The following TBC1D14 variants were observed in gnomAD, a reference collection of about 807,000 sequenced individuals.
TBC1D14 encodes TBC1 domain family member 14.
TBC1D14 carries 26 observed loss-of-function variants against 79.0 expected under a neutral mutation model. The ratio of observed to expected loss-of-function variants is 0.33; its 90% CI spans 0.24 to 0.46. The LOEUF is 0.46. Ranked by LOEUF, TBC1D14 falls within the 20% of genes least tolerant of loss-of-function variation. The pLI is 1.00. For synonymous variants in TBC1D14, 394 were observed against 349.9 expected, an observed-to-expected ratio of 1.13 and a Z score of -1.40; for missense variants, 769 against 887.6, an observed-to-expected ratio of 0.87 and a Z score of 1.70.
At chr4:7,014,341 CAGA>C in intron 11 of TBC1D14, 104 bp from the exon 12 acceptor site, 1 of 680,302 alleles carries the variant, frequency 1.5e-6, no homozygotes. Flanking sequence ...TTAGTAATTA[CAGA>C]AGAAGGTAAT....
At chr4:6,951,851 T>TTTGTTG (rs777350420) in intron 2 of TBC1D14, among the ~76,000 whole-genome samples, 1 of 152,050 alleles carries the variant, frequency 6.6e-6, no homozygotes, top group Non-Finnish European at 1.5e-5. Flanking sequence ...TTGACTTAAT[T>TTTGTTG]TTGTTGTTGT....
At chr4:7,030,242 GA>G in intron 13 of TBC1D14, 84 bp from the exon 14 acceptor site, 1 of 1,322,646 alleles carries the variant, frequency 7.6e-7, no homozygotes, top group Non-Finnish European at 1.1e-6. Context: ...ACCCTGTTAG[GA>G]GGCTACTGCT....
chr4:6,946,858 G>A (rs1407227230), intron 2 of TBC1D14, among the ~76,000 whole-genome samples: 1 of 152,172 alleles, frequency 6.6e-6, no homozygotes, highest in East Asian at 1.9e-4. Context: ...TTCTAATATG[G>A]AAGGAACATA....
intron 7 of TBC1D14, among the ~76,000 whole-genome samples, chr4:7,002,162 G>A (rs942043812): frequency 6.6e-6 from 1 of 152,228 alleles, no homozygotes; most frequent in Admixed American, 6.5e-5. Flanking sequence ...GCTGGCTGGT[G>A]ACTGGCTTCT....
chr4:7,007,577 G>T (rs1193871677), intron 9 of TBC1D14: 30 of 1,289,362 alleles, frequency 2.3e-5, no homozygotes, highest in Non-Finnish European at 2.9e-5. Context: ...TTCAGAAGAG[G>T]AAAGAGAGGG....
chr4:7,007,616 C>T, intron 9 of TBC1D14: 1 of 1,288,788 alleles, frequency 7.8e-7, no homozygotes, highest in Non-Finnish European at 1.0e-6. Context: ...AGCTTTGGTC[C>T]TGGTGTCTGG....
At chr4:6,967,663 A>G (rs1715821498) in intron 3 of TBC1D14, among the ~76,000 whole-genome samples, 1 of 152,256 alleles carries the variant, frequency 6.6e-6, no homozygotes, top group Non-Finnish European at 1.5e-5. Flanking sequence ...TTAGATGTTT[A>G]TAATGGTATT....
At chr4:6,962,801 G>A (rs1225665395) in intron 2 of TBC1D14, among the ~76,000 whole-genome samples, 4 of 152,068 alleles carry the variant, frequency 2.6e-5, no homozygotes, top group African/African-American at 9.7e-5. Flanking sequence ...TCTCAGTCTC[G>A]GGCCTTGATT....
intron 3 of TBC1D14, among the ~76,000 whole-genome samples, chr4:6,988,615 C>T (rs1718130263): frequency 6.6e-6 from 1 of 152,240 alleles, no homozygotes; most frequent in Non-Finnish European, 1.5e-5. Context: ...GCTCCCAAAT[C>T]CTCAGGTTAT....
intron 3 of TBC1D14, among the ~76,000 whole-genome samples, chr4:6,978,307 AGGT>A (rs936843481): frequency 6.6e-6 from 1 of 150,560 alleles, no homozygotes; most frequent in African/African-American, 2.5e-5. Context: ...AAGGGGGGAA[AGGT>A]GGGGAAAAGA....
At chr4:7,003,184 G>A (rs1474689998) in intron 7 of TBC1D14, among the ~76,000 whole-genome samples, 1 of 152,176 alleles carries the variant, frequency 6.6e-6, no homozygotes, top group Non-Finnish European at 1.5e-5. Context: ...AGCCTCCAGC[G>A]TTCCCCAGAT....
At chr4:7,011,083 AAC>A (rs1485015463) in intron 11 of TBC1D14, among the ~76,000 whole-genome samples, 3 of 152,198 alleles carry the variant, frequency 2.0e-5, no homozygotes, top group Non-Finnish European at 2.9e-5. Flanking sequence ...GCTTAAACTT[AAC>A]ACACACTTGG....
intron 7 of TBC1D14, 133 bp downstream of exon 7, chr4:7,001,384 C>A: frequency 1.3e-6 from 1 of 766,294 alleles, no homozygotes; most frequent in Non-Finnish European, 2.1e-6. Flanking sequence ...AGACTGTGTC[C>A]TTCAGGAGAG....
At chr4:7,004,817 ATACT>A (rs1720014016) in intron 7 of TBC1D14, 23 bp from the exon 8 acceptor site, 1 of 1,612,840 alleles carries the variant, frequency 6.2e-7, no homozygotes, top group Non-Finnish European at 8.5e-7. Context: ...TGTGCACGTA[ATACT>A]TACCCAGAGG....
intron 3 of TBC1D14, among the ~76,000 whole-genome samples, chr4:6,985,470 T>C (rs1049356646): frequency 3.9e-5 from 6 of 152,352 alleles, no homozygotes; most frequent in South Asian, 2.1e-4. Context: ...ATAAAACTTA[T>C]GCCAAGAGCA....
chr4:6,928,061 C>T (rs1440974725), intron 2 of TBC1D14, among the ~76,000 whole-genome samples: 1 of 152,212 alleles, frequency 6.6e-6, no homozygotes, highest in East Asian at 1.9e-4. Flanking sequence ...TCCTAATCCA[C>T]ATTGGTCTGG....
chr4:6,983,284 A>G (rs899834662), intron 3 of TBC1D14, among the ~76,000 whole-genome samples: 10 of 151,978 alleles, frequency 6.6e-5, no homozygotes, highest in Admixed American at 5.2e-4. Flanking sequence ...TAAAATATAT[A>G]TATATATTTT....
chr4:6,972,873 G>A (rs1560295793), intron 3 of TBC1D14, among the ~76,000 whole-genome samples: 1 of 152,206 alleles, frequency 6.6e-6, no homozygotes, highest in Non-Finnish European at 1.5e-5. Flanking sequence ...GTGATGCTTT[G>A]TAATTTGAGC....
chr4:6,924,036 A>G lies in TBC1D14; in HGVS notation c.647A>G (p.Gln216Arg). The change falls in exon 2 of 14, where the codon CAG (glutamine) becomes CGG (arginine). Residue 216 changes from glutamine to arginine, a missense_variant. Physicochemically the swap from Gln to Arg is conservative, Grantham distance 43. This residue lies in a region of TBC1D14 where 402 missense variants were observed against 393.2 expected (regional missense o/e 1.02). Coordinates refer to ENST00000409757, the MANE Select transcript of TBC1D14 (RefSeq NM_020773.3). ...SSIKETRGLH[Q>R]QDCVHEAEEG... ...ATCAAGGAAACCCGTGGCTTACACC[A>G]GCAGGACTGTGTTCATGAAGCTGAG... The G allele has an allele frequency of 6.2e-7, 1 of 1,614,160 alleles. No individual in the cohort carries two copies. Among genetic ancestry groups the G allele is most frequent in the Non-Finnish European group, 8.5e-7 (1 of 1,180,038 alleles).
Sources: allele counts gnomAD v4.1 joint callset (sites outside exome capture counted in the v4.1 genomes callset), GRCh38; gene constraint gnomAD v4.1.1; regional missense constraint gnomAD v4.1.1; transcripts MANE v1.5; gene names NCBI Gene and HGNC (gene_info 2026-07-23, HGNC 2026-07-21).